Variants in DOCK2 observed in about 807,000 individuals in gnomAD.
The protein encoded by DOCK2 is dedicator of cytokinesis 2, also known as dedicator of cytokinesis protein 2.
Under a neutral mutation model 248.9 loss-of-function variants are expected in DOCK2, and 87 were observed. The observed-to-expected ratio is 0.35, with a 90% CI of 0.29 to 0.42. The LOEUF is 0.42. DOCK2 is among the 10% of genes least tolerant of loss of function. The probability of loss-of-function intolerance (pLI) is 1.00; values close to 1 mark genes in which losing one functional copy is unlikely to be tolerated. For missense variants in DOCK2, 1,747 were observed against 2,300.2 expected, an observed-to-expected ratio of 0.76 and a Z score of 4.92; for synonymous variants, 805 against 821.6, an observed-to-expected ratio of 0.98 and a Z score of 0.35.
chr5:170,047,872 G>A (rs1205234582), intron 40 of DOCK2, among the ~76,000 whole-genome samples: 1 of 152,164 alleles, frequency 6.6e-6, no homozygotes, highest in East Asian at 1.9e-4. Flanking sequence ...ACTGGAATGA[G>A]GTGTTCAAAG....
chr5:169,646,346 C>G (rs1200853374), intron 1 of DOCK2, among the ~76,000 whole-genome samples: 2 of 152,102 alleles, frequency 1.3e-5, no homozygotes, highest in African/African-American at 4.8e-5. Flanking sequence ...TTTACAAAGC[C>G]CTTGTGTCAT....
intron 40 of DOCK2, among the ~76,000 whole-genome samples, 158 bp from the exon 41 acceptor site, chr5:170,050,098 G>C (rs1318403276): frequency 6.6e-6 from 1 of 152,190 alleles, no homozygotes; most frequent in East Asian, 1.9e-4. Flanking sequence ...CTAGGTCAGT[G>C]AGTTGAGCCC....
intron 26 of DOCK2, among the ~76,000 whole-genome samples, chr5:169,837,602 A>G (rs1052452144): frequency 6.6e-6 from 1 of 152,178 alleles, no homozygotes; most frequent in Non-Finnish European, 1.5e-5. Flanking sequence ...CCCCAGTATC[A>G]AAGACTTTAC....
At chr5:169,932,354 T>G (rs1268213547) in intron 27 of DOCK2, among the ~76,000 whole-genome samples, 2 of 152,034 alleles carry the variant, frequency 1.3e-5, no homozygotes, top group East Asian at 3.9e-4. Flanking sequence ...CTATACCCGC[T>G]GCAGAGTAGT....
chr5:170,023,461 T>C (rs561344262), intron 33 of DOCK2, among the ~76,000 whole-genome samples: 1 of 152,278 alleles, frequency 6.6e-6, no homozygotes. Context: ...GTACTGTTGT[T>C]TGGATTCAGA....
intron 27 of DOCK2, among the ~76,000 whole-genome samples, chr5:169,954,511 A>AC (rs933104316): frequency 6.6e-6 from 1 of 152,126 alleles, no homozygotes; most frequent in Non-Finnish European, 1.5e-5. Context: ...CCTCTTGGCC[A>AC]CCCCCCTGAA....
At chr5:169,997,861 T>C (rs934556451) in intron 30 of DOCK2, 2 of 453,258 alleles carry the variant, frequency 4.4e-6, no homozygotes, top group Non-Finnish European at 8.9e-6. Context: ...GTTCAGTTCC[T>C]CTCTGGGCTT....
intron 25 of DOCK2, among the ~76,000 whole-genome samples, chr5:169,765,715 G>A (rs142788950): frequency 6.6e-6 from 1 of 152,194 alleles, no homozygotes; most frequent in Non-Finnish European, 1.5e-5. Context: ...AGGGAAGAAG[G>A]GGGGAGAGAG....
At chr5:169,880,819 T>C (rs1156790848) in intron 27 of DOCK2, among the ~76,000 whole-genome samples, 2 of 152,166 alleles carry the variant, frequency 1.3e-5, no homozygotes, top group Admixed American at 6.5e-5. Flanking sequence ...TTCCCTTTTG[T>C]CACTTATAAA....
intron 22 of DOCK2, among the ~76,000 whole-genome samples, chr5:169,739,113 C>G (rs1396539931): frequency 6.6e-6 from 1 of 152,208 alleles, no homozygotes; most frequent in Non-Finnish European, 1.5e-5. Context: ...AATGTCAGGG[C>G]TCTCAGTGGA....
At chr5:169,908,018 T>C (rs1415915349) in intron 27 of DOCK2, among the ~76,000 whole-genome samples, 1 of 152,252 alleles carries the variant, frequency 6.6e-6, no homozygotes, top group Non-Finnish European at 1.5e-5. Context: ...TCTCTTGCTC[T>C]GCCTTCATCT....
rs564922471 is a variant in DOCK2 at position 169,777,535 on chromosome 5, G to C, written c.2554+15910G>C. On this transcript the variant is annotated intron_variant, in intron 25 of 51. Transcript: ENST00000520908. Reference sequence around the variant, plus strand: ...GACTCTAATTACAGCTTTAGCTAAAGAGTGGGAAATTATTTGAGGAGAGAC... The same window carrying C: ...GACTCTAATTACAGCTTTAGCTAAACAGTGGGAAATTATTTGAGGAGAGAC... Among the ~76,000 whole-genome samples, 3 of 152,314 alleles carry C rather than the reference G, an allele frequency of 2.0e-5. No individual in the cohort carries two copies. The East Asian group carries it at 5.8e-4, about 29-fold the overall frequency.
At chr5:169,789,842 A>G (rs1185981492) in intron 25 of DOCK2, among the ~76,000 whole-genome samples, 1 of 152,214 alleles carries the variant, frequency 6.6e-6, no homozygotes, top group Non-Finnish European at 1.5e-5. Flanking sequence ...GCCAGCGGAT[A>G]AATTCTTCCC....
At position 169,695,855 on chromosome 5, in the gene DOCK2, T is replaced by C. The variant is rs759245831; in HGVS notation, c.896T>C (p.Ile299Thr). 15 of 1,613,980 alleles carry C rather than the reference T, an allele frequency of 9.3e-6. No individual in the cohort carries two copies. The highest frequency in any genetic ancestry group is 1.3e-5 in the Non-Finnish European group (15 of 1,179,950). ...GATAAAATTTACTTGATTTGTCAAATAGTCCGGGTCGGCAAGATGGATCTT... is the reference window on the plus strand; with the variant it reads ...GATAAAATTTACTTGATTTGTCAAACAGTCCGGGTCGGCAAGATGGATCTT... ...NRDKIYLICQIVRVGKMDLKD... is the reference protein window; with the variant it reads ...NRDKIYLICQTVRVGKMDLKD... Residue 299 changes from isoleucine (I) to threonine (T), a missense_variant, in exon 10 of 52, where the codon ATA becomes ACA. By Grantham distance (89) the Ile-to-Thr change is moderately conservative. Transcript: ENST00000520908.
chr5:169,975,479 G>C (rs1244401589), intron 27 of DOCK2, among the ~76,000 whole-genome samples: 1 of 151,998 alleles, frequency 6.6e-6, no homozygotes, highest in Admixed American at 6.6e-5. Flanking sequence ...CATCATATAC[G>C]GAGCCTTCCC....
chr5:169,889,994 A>T (rs1211662769), intron 27 of DOCK2, among the ~76,000 whole-genome samples: 1 of 142,934 alleles, frequency 7.0e-6, no homozygotes, highest in Non-Finnish European at 1.5e-5. Context: ...TTTACAACTT[A>T]TAAAGCATTT....
In DOCK2 at chr5:170,079,387, C is replaced by T. The variant is rs1485769373; in HGVS notation, c.5166+241C>T. The T allele has an allele frequency of 1.7e-5, 8 of 473,820 alleles. No homozygotes were observed. The East Asian group carries it at 2.8e-4, about 17-fold the overall frequency. The allele number at this position is 473,820 out of a possible 1,614,324, so 29.4% of individuals were successfully genotyped here. ...AGCCCTGACCTTTGCACTTCAGAGCCTGTGTGTATCCTTTCCACCATCACA... is the reference window on the plus strand; with the variant it reads ...AGCCCTGACCTTTGCACTTCAGAGCTTGTGTGTATCCTTTCCACCATCACA... On this transcript the variant is annotated intron_variant, in intron 49 of 51. Coordinates refer to ENST00000520908, the MANE Select transcript of DOCK2 (RefSeq NM_004946.3).
Position 169,649,403 on chromosome 5 carries a change from A to G in DOCK2, c.44-5000A>G, listed in dbSNP as rs952040823. 9.9e-5 allele frequency among the ~76,000 whole-genome samples: 15 copies of G among 152,246 alleles called. 1 individual carries two copies. Among genetic ancestry groups the G allele is most frequent in the Non-Finnish European group, 2.2e-4 (15 of 68,052 alleles). On this transcript the variant is annotated intron_variant, in intron 1 of 51. Transcript: ENST00000520908. ...GATAAATGCAAGAAAGAATATAGCC[A>G]GAAGAAGGGACATAGCTGCCCTTCA...
In DOCK2 at chr5:169,684,344, T is replaced by A. The variant is rs1759835024; in HGVS notation, c.755T>A (p.Val252Asp). The A allele has an allele frequency of 6.2e-7, 1 of 1,614,094 alleles. No homozygotes were observed. The highest frequency in any genetic ancestry group is 8.5e-7 in the Non-Finnish European group (1 of 1,179,984). Residue 252 changes from valine (V) to aspartate (D), a missense_variant, in exon 8 of 52, where the codon GTC (valine) becomes GAC (aspartate). By Grantham distance (152) the Val-to-Asp change is radical. Transcript: ENST00000520908. ...CTCTACGACCCCAACAAGCAAACGG[T>A]CATAAGGTAGGTGTGTCCAGGGTTG... ...MSLYDPNKQTVISENYLVRWG... is the reference protein window; with the variant it reads ...MSLYDPNKQTDISENYLVRWG...
Sources: allele counts gnomAD v4.1 joint callset (sites outside exome capture counted in the v4.1 genomes callset), GRCh38; gene constraint gnomAD v4.1.1; transcripts MANE v1.5; gene names NCBI Gene and HGNC (gene_info 2026-07-23, HGNC 2026-07-21).